The following SLC44A3 variants were observed in gnomAD, a reference collection of about 807,000 sequenced individuals.
SLC44A3 encodes the protein choline transporter-like protein 3.
In SLC44A3, 74 loss-of-function variants were observed where a neutral mutation model predicts 75.4. That is an observed-to-expected ratio of 0.98 (90% CI 0.81 to 1.19). The LOEUF (loss-of-function observed/expected upper bound fraction) is 1.19. Ranked by LOEUF, SLC44A3 falls within the 50% of genes most tolerant of loss-of-function variation. The pLI is 0.00. For synonymous variants in SLC44A3, 310 were observed against 296.9 expected, an observed-to-expected ratio of 1.04 and a Z score of -0.45; for missense variants, 700 against 778.6, an observed-to-expected ratio of 0.90 and a Z score of 1.20.
intron 7 of SLC44A3, among the ~76,000 whole-genome samples, chr1:94,841,138 A>G (rs1446537320): frequency 6.6e-6 from 1 of 152,184 alleles, no homozygotes; most frequent in Non-Finnish European, 1.5e-5. Context: ...ACAGCATGCT[A>G]CTGTACAGAA....
intron 10 of SLC44A3, among the ~76,000 whole-genome samples, chr1:94,860,148 A>G (rs931193241): frequency 3.3e-5 from 5 of 152,240 alleles, no homozygotes; most frequent in African/African-American, 1.2e-4. Flanking sequence ...TGCAGGCTGC[A>G]AAAGGAAACA....
intron 12 of SLC44A3, among the ~76,000 whole-genome samples, chr1:94,882,310 T>G (rs982846878): frequency 6.6e-6 from 1 of 152,130 alleles, no homozygotes; most frequent in African/African-American, 2.4e-5. Flanking sequence ...CTGGAGTTCC[T>G]TGCCAAGGAT....
At chr1:94,825,720 C>T in intron 3 of SLC44A3, 1 of 387,702 alleles carries the variant, frequency 2.6e-6, no homozygotes, top group South Asian at 1.9e-5. Flanking sequence ...TTTGGAGTCA[C>T]CAAATACAAA....
chr1:94,857,012 T>C (rs1665960077), intron 9 of SLC44A3, among the ~76,000 whole-genome samples: 2 of 152,202 alleles, frequency 1.3e-5, no homozygotes, highest in African/African-American at 4.8e-5. Context: ...ATTACAGGCA[T>C]GAGCCACCAC....
chr1:94,854,321 C>T (rs779648301), intron 9 of SLC44A3, among the ~76,000 whole-genome samples: 29 of 152,302 alleles, frequency 1.9e-4, no homozygotes, highest in Middle Eastern at 3.4e-3. Context: ...TCTTCTTCAC[C>T]ATCAGAGAGC....
chr1:94,892,434 G>A lies in SLC44A3; in HGVS notation c.1774G>A (p.Ala592Thr). Residue 592 changes from alanine to threonine, a missense_variant, in exon 14 of 15, where the codon GCA becomes ACA. Ala to Thr is a moderately conservative substitution (Grantham distance 58). Coordinates refer to ENST00000271227, the MANE Select transcript of SLC44A3 (RefSeq NM_001114106.3). ...ATCTGTGTTTGAAACTGTGCTGGATGCACTTTTCCTGTGTTTTGCTGTTGA... is the reference window on the plus strand; with the variant it reads ...ATCTGTGTTTGAAACTGTGCTGGATACACTTTTCCTGTGTTTTGCTGTTGA... ...FLSVFETVLDALFLCFAVDLE... is the reference protein window; with the variant it reads ...FLSVFETVLDTLFLCFAVDLE... 1 of 1,614,148 alleles carries A rather than the reference G, an allele frequency of 6.2e-7. No individual in the cohort carries two copies. Among genetic ancestry groups the A allele is most frequent in the Non-Finnish European group, 8.5e-7 (1 of 1,180,038 alleles).
intron 12 of SLC44A3, among the ~76,000 whole-genome samples, chr1:94,890,205 C>G (rs1482699874): frequency 1.3e-5 from 2 of 152,148 alleles, no homozygotes; most frequent in African/African-American, 4.8e-5. Context: ...ATTTTTCATA[C>G]TGTTCTGTTT....
chr1:94,868,850 C>T (rs766560686), intron 12 of SLC44A3, among the ~76,000 whole-genome samples: 8 of 152,258 alleles, frequency 5.3e-5, no homozygotes, highest in Non-Finnish European at 1.0e-4. Context: ...AATTCAGGTA[C>T]TTTCCGCATC....
intron 10 of SLC44A3, among the ~76,000 whole-genome samples, chr1:94,862,398 C>G (rs1307076433): frequency 5.3e-5 from 8 of 152,198 alleles, no homozygotes; most frequent in Admixed American, 4.6e-4. Context: ...CATGATGCGG[C>G]TTGCCTGGCT....
At chr1:94,877,860 G>C (rs139979996) in intron 12 of SLC44A3, among the ~76,000 whole-genome samples, 8 of 152,222 alleles carry the variant, frequency 5.3e-5, no homozygotes, top group African/African-American at 1.9e-4. Flanking sequence ...TGACTTCATC[G>C]GGATGCACCC....
chr1:94,839,674 G>A lies in SLC44A3; in HGVS notation c.671-274G>A, dbSNP rs192393460. Among the ~76,000 whole-genome samples, 267 of 152,184 alleles carry A rather than the reference G, an allele frequency of 1.8e-3. 2 individuals are homozygous for A. The highest frequency in any genetic ancestry group is 2.1e-3 in the Non-Finnish European group (142 of 67,996). On this transcript the variant is annotated intron_variant, in intron 6 of 14. Coordinates refer to ENST00000271227, the MANE Select transcript of SLC44A3 (RefSeq NM_001114106.3). ...AAAGTGCTGGGATTATAGGTGTGAG[G>A]CACCATGCCCGGCCAAATTTTTTTT...
rs1666982016 is a variant in SLC44A3, at chr1:94,864,875, C to T, written c.1371C>T (p.Tyr457=). 6.2e-7 allele frequency: 1 copy of T among 1,613,848 alleles called. No homozygotes were observed. The highest frequency in any genetic ancestry group is 8.5e-7 in the Non-Finnish European group (1 of 1,179,874). Residue 457 remains tyrosine (Y), a synonymous_variant, in exon 11 of 15, where the codon TAC becomes TAT. Transcript: ENST00000271227. ...VVRIPRIIVM[Y]MQNALKEQQH... ...GGATTCCGAGAATCATTGTCATGTACATGCAAAACGCACTGAAAGAACAGG... is the reference window on the plus strand; with the variant it reads ...GGATTCCGAGAATCATTGTCATGTATATGCAAAACGCACTGAAAGAACAGG...
intron 9 of SLC44A3, among the ~76,000 whole-genome samples, chr1:94,856,979 C>T (rs923225547): frequency 2.0e-5 from 3 of 152,116 alleles, no homozygotes; most frequent in African/African-American, 4.8e-5. Context: ...GATCCGCCCA[C>T]CTCAGCCTCC....
At chr1:94,836,023 T>C (rs1297594030) in intron 5 of SLC44A3, among the ~76,000 whole-genome samples, 1 of 152,242 alleles carries the variant, frequency 6.6e-6, no homozygotes, top group East Asian at 1.9e-4. Flanking sequence ...GTTTCTGTAA[T>C]ATTGAGACTT....
chr1:94,885,412 G>A (rs1669475289), intron 12 of SLC44A3, among the ~76,000 whole-genome samples: 1 of 152,042 alleles, frequency 6.6e-6, no homozygotes. Context: ...AGCAAAGTGA[G>A]GGCCCTTGAG....
At chr1:94,844,328 C>T (rs1009318698) in intron 8 of SLC44A3, among the ~76,000 whole-genome samples, 8 of 152,254 alleles carry the variant, frequency 5.3e-5, no homozygotes, top group Middle Eastern at 3.4e-3. Context: ...GTAGGACATC[C>T]ACGGCCTTGT....
chr1:94,846,149 A>AAC (rs962007579), intron 9 of SLC44A3, among the ~76,000 whole-genome samples: 1 of 150,688 alleles, frequency 6.6e-6, no homozygotes, highest in Non-Finnish European at 1.5e-5. Context: ...TCTGTCTCAA[A>AAC]AAAAAAAAAA....
Position 94,845,289 on chromosome 1 carries a change from C to T in SLC44A3, c.897C>T (p.Leu299=), listed in dbSNP as rs149414246. The T allele has an allele frequency of 2.5e-5, 41 of 1,609,166 alleles. No individual in the cohort carries two copies. Among genetic ancestry groups the T allele is most frequent in the Non-Finnish European group, 3.1e-5 (37 of 1,177,722 alleles). Residue 299 remains leucine, a synonymous_variant, in exon 9 of 15, where the codon CTC becomes CTT. Coordinates refer to ENST00000271227, the MANE Select transcript of SLC44A3 (RefSeq NM_001114106.3). ...IVSTGITAVL[L]VLIFVLRKRI... is the part of the protein sequence containing the mutation. ...CCCTTTCTCACCAGGCAGTGCTGCT[C>T]GTCTTGATTTTTGTTCTCAGAAAGA...
At chr1:94,826,994 A>G (rs967227348) in intron 3 of SLC44A3, among the ~76,000 whole-genome samples, 8 of 152,146 alleles carry the variant, frequency 5.3e-5, no homozygotes, top group African/African-American at 1.9e-4. Context: ...GAGCTGCAGG[A>G]GGGTTCTCCT....
Sources: gnomAD v4.1 joint callset for allele counts (sites outside exome capture counted in the v4.1 genomes callset) on GRCh38, gnomAD v4.1.1 for gene constraint, MANE v1.5 for transcripts, NCBI Gene and HGNC (gene_info 2026-07-23, HGNC 2026-07-21) for gene names.